The following NYAP1 variants were observed in gnomAD, a reference collection of about 807,000 sequenced individuals.
NYAP1 encodes the protein neuronal tyrosine phosphorylated phosphoinositide-3-kinase adaptor 1, also known as neuronal tyrosine-phosphorylated phosphoinositide-3-kinase adapter 1.
NYAP1 carries 20 observed loss-of-function variants against 58.6 expected under a neutral mutation model. The ratio of observed to expected loss-of-function variants is 0.34; its 90% CI spans 0.24 to 0.50. The LOEUF is 0.50. Among genes scored for constraint, NYAP1 ranks in the 20% least tolerant of loss-of-function variants. NYAP1 has a pLI of 0.98. For missense variants in NYAP1, 1,150 were observed against 1,194.5 expected (o/e 0.96, Z 0.55); for synonymous variants, 572 against 523.1 (o/e 1.09, Z -1.27).
chr7:100,489,823 T>C (rs1206795643), intron 4 of NYAP1, among the ~76,000 whole-genome samples, 157 bp downstream of exon 4: 1 of 151,650 alleles, frequency 6.6e-6, no homozygotes, highest in Non-Finnish European at 1.5e-5. Context: ...GGGTGGGCGA[T>C]AGACAGAAAG....
In NYAP1 at chr7:100,486,880, G is replaced by T. The variant is rs748550079; in HGVS notation, c.128G>T (p.Gly43Val). 89 of 1,558,644 alleles carry T rather than the reference G, an allele frequency of 5.7e-5. No homozygotes were observed. Among genetic ancestry groups the T allele is most frequent in the Non-Finnish European group, 7.3e-5 (84 of 1,156,062 alleles). ...GGGCCCGCGGCCGGCCAGGGGCCTG[G>T]GGTCCGCGTGCGGGACATCGCCTCG... is the stretch of plus-strand genomic sequence containing the variant. ...SAGPAAGQGPGVRVRDIASLR... is the reference protein window; with the variant it reads ...SAGPAAGQGPVVRVRDIASLR... The change falls in exon 3 of 7, where the codon GGG becomes GTG. Residue 43 changes from glycine to valine, a missense_variant. Physicochemically the swap from Gly to Val is moderately radical, Grantham distance 109 (BLOSUM62 -3). Coordinates refer to ENST00000300179, the MANE Select transcript of NYAP1 (RefSeq NM_173564.4). This position sits in a 1 kb window ranked among gnomAD's most constrained non-coding sequence, Gnocchi z 6.2.
chr7:100,492,503 G>A (rs1335541773), intron 6 of NYAP1, among the ~76,000 whole-genome samples: 2 of 152,008 alleles, frequency 1.3e-5, no homozygotes, highest in East Asian at 1.9e-4. Context: ...AGGCAGAGAC[G>A]GGAGGATCGC....
At chr7:100,491,690 T>C (rs1213993025) in intron 6 of NYAP1, among the ~76,000 whole-genome samples, 3 of 151,780 alleles carry the variant, frequency 2.0e-5, no homozygotes, top group Non-Finnish European at 4.4e-5. Context: ...GGCGGGCAGA[T>C]CACTTGAGGT....
At position 100,488,859 on chromosome 7, in the gene NYAP1, C is replaced by G; in HGVS notation, c.1138C>G (p.Arg380Gly). The G allele has an allele frequency of 6.3e-7, 1 of 1,598,744 alleles. No homozygotes were observed. The highest frequency in any genetic ancestry group is 8.5e-7 in the Non-Finnish European group (1 of 1,174,438). ...TPAPQVPARE[R>G]ETPPPPPPPP... The stretch of plus-strand genomic sequence containing the variant: ...AGCTCCCCAAGTGCCTGCACGGGAG[C>G]GGGAGACGCCTCCCCCACCGCCTCC... The change falls in exon 4 of 7, where the codon CGG (arginine) becomes GGG (glycine). Residue 380 changes from arginine to glycine, a missense_variant. Transcript: ENST00000300179. This position sits in a 1 kb window ranked among gnomAD's most constrained non-coding sequence, Gnocchi z 5.9.
In NYAP1 at chr7:100,489,464, C is replaced by T; in HGVS notation, c.1743C>T (p.Ala581=). 6.2e-7 allele frequency: 1 copy of T among 1,612,950 alleles called. No individual in the cohort carries two copies. The highest frequency in any genetic ancestry group is 1.3e-5 in the African/African-American group (1 of 74,968). The change falls in exon 4 of 7, where the codon GCC becomes GCT. Residue 581 remains alanine (A), a synonymous_variant. Transcript: ENST00000300179. ...GVLNKGCGVG[A]PSPMVKIQLQ... is the part of the protein sequence containing the mutation. ...TGAATAAGGGCTGTGGTGTGGGGGC[C>T]CCATCCCCCATGGTCAAGATCCAGC... is the stretch of plus-strand genomic sequence containing the variant.
chr7:100,490,418 T>C lies in NYAP1; in HGVS notation c.1946-99T>C, dbSNP rs2131068868. The C allele has an allele frequency of 4.3e-6, 5 of 1,156,492 alleles. No homozygotes were observed. Among genetic ancestry groups the C allele is most frequent in the South Asian group, 4.0e-5 (3 of 74,998 alleles). 71.6% of individuals were successfully genotyped at this position (1,156,492 alleles called of 1,614,324 possible). A position where few individuals can be genotyped will look rare whatever the true frequency, so the allele number is the denominator to read the frequency against. On this transcript the variant is annotated intron_variant, in intron 4 of 6. Coordinates refer to ENST00000300179, the MANE Select transcript of NYAP1 (RefSeq NM_173564.4). This position sits in a 1 kb window ranked among gnomAD's most constrained non-coding sequence, Gnocchi z 4.6. The stretch of plus-strand genomic sequence containing the variant: ...AGCCGTTACTTGCAAAAGGGGCAAT[T>C]GTGTCTCCTGGTCCACCCATACTGC...
Position 100,486,977 on chromosome 7 carries a change from C to G in NYAP1, c.225C>G (p.Arg75=), listed in dbSNP as rs1799712826. The part of the protein sequence containing the change: ...ASQEHTPHPC[R]SAMAPRSLSC... The stretch of plus-strand genomic sequence containing the variant: ...AGGAGCACACCCCGCACCCCTGCCG[C>G]AGCGCCATGGCCCCACGCTCCCTCT... The change falls in exon 3 of 7, where the codon CGC becomes CGG. Residue 75 remains arginine, a synonymous_variant. Transcript: ENST00000300179. The surrounding 1 kb of genome is among the most constrained non-coding windows in gnomAD (Gnocchi z 6.2). The G allele has an allele frequency of 2.5e-6, 4 of 1,608,104 alleles. No individual in the cohort carries two copies. The highest frequency in any genetic ancestry group is 3.4e-6 in the Non-Finnish European group (4 of 1,177,860).
rs1717422184 is a variant in NYAP1, at chr7:100,490,344, G to A, written c.1946-173G>A. On this transcript the variant is annotated intron_variant, in intron 4 of 6. Transcript: ENST00000300179. The surrounding 1 kb of genome is among the most constrained non-coding windows in gnomAD (Gnocchi z 4.6). ...TACCAATGGGTGGAAAGGAAGGGGT[G>A]TGTGTGTGTTTGTATGTATGTTGGG... Among the ~76,000 whole-genome samples the A allele has an allele frequency of 6.6e-6, 1 of 152,108 alleles. No individual in the cohort carries two copies.
rs764904491 is a variant in NYAP1, at chr7:100,490,052, C to T, written c.1945+386C>T. Among the ~76,000 whole-genome samples, 11 of 151,970 alleles carry T rather than the reference C, an allele frequency of 7.2e-5. No homozygotes were observed. The highest frequency in any genetic ancestry group is 6.5e-4 in the Admixed American group (10 of 15,268). On this transcript the variant is annotated intron_variant, in intron 4 of 6. Transcript: ENST00000300179. The surrounding 1 kb of genome is among the most constrained non-coding windows in gnomAD (Gnocchi z 4.6). ...AGGGAGAGGAGAGGGAGGCCCCTAC[C>T]GTTGCCTGGCAACGCAATGCTCTGC...
rs1437104866 is a variant in NYAP1, at chr7:100,490,724, A to G, written c.2153A>G (p.Asn718Ser). 2.6e-6 allele frequency: 4 copies of G among 1,510,052 alleles called. No individual in the cohort carries two copies. Among genetic ancestry groups the G allele is most frequent in the African/African-American group, 1.4e-5 (1 of 72,828 alleles). The allele number at this position is 1,510,052 out of a possible 1,614,324, so 93.5% of individuals were successfully genotyped here. A position where few individuals can be genotyped will look rare whatever the true frequency, so the allele number is the denominator to read the frequency against. ...CAGACCTTCCCCGCCTGCCACCGCA[A>G]TGGAGGTGACGCGGCCTGCACACAC... ...PCQTFPACHRNGDFTGGYRLG... is the reference protein window; with the variant it reads ...PCQTFPACHRSGDFTGGYRLG... The change falls in exon 5 of 7, where the codon AAT becomes AGT. Residue 718 changes from asparagine to serine, a missense_variant. By Grantham distance (46) the Asn-to-Ser change is conservative. Transcript: ENST00000300179. This position sits in a 1 kb window ranked among gnomAD's most constrained non-coding sequence, Gnocchi z 4.6.
In NYAP1 at chr7:100,489,188, G is replaced by A. The variant is rs1229941313; in HGVS notation, c.1467G>A (p.Glu489=). ...TGGGTGCTGGGGAGCCAAAGACGGA[G>A]AAGGAGATCTCGGTCCTCCATGGGA... is the stretch of plus-strand genomic sequence containing the variant. The part of the protein sequence containing the change: ...PPLGAGEPKT[E]KEISVLHGML... The change falls in exon 4 of 7, where the codon GAG becomes GAA. Residue 489 remains glutamate (E), a synonymous_variant. Transcript: ENST00000300179. 1.2e-6 allele frequency: 2 copies of A among 1,611,138 alleles called. No homozygotes were observed. The highest frequency in any genetic ancestry group is 8.5e-7 in the Non-Finnish European group (1 of 1,179,278).
chr7:100,488,971 A>T lies in NYAP1; in HGVS notation c.1250A>T (p.Gln417Leu). The T allele has an allele frequency of 6.4e-7, 1 of 1,574,058 alleles. No homozygotes were observed. The change falls in exon 4 of 7, where the codon CAG (glutamine) becomes CTG (leucine). Residue 417 changes from glutamine (Q) to leucine (L), a missense_variant. Physicochemically the swap from Gln to Leu is moderately radical, Grantham distance 113 (BLOSUM62 -2). Coordinates refer to ENST00000300179, the MANE Select transcript of NYAP1 (RefSeq NM_173564.4). The surrounding 1 kb of genome is among the most constrained non-coding windows in gnomAD (Gnocchi z 5.9). ...STPLPPQGSG[Q>L]PRGERELPNS... is the part of the protein sequence containing the mutation. ...CCGTTGCCACCCCAGGGCTCTGGCC[A>T]GCCCCGGGGGGAGCGGGAGCTCCCC...
At chr7:100,493,340 G>A (rs1044059701) in intron 6 of NYAP1, among the ~76,000 whole-genome samples, 1 of 152,114 alleles carries the variant, frequency 6.6e-6, no homozygotes, top group East Asian at 1.9e-4. Flanking sequence ...TGGCCTGGGC[G>A]ACAGAGCCAG....
rs1799779050 is a variant in NYAP1, at chr7:100,490,349, T to C, written c.1946-168T>C. ...ATGGGTGGAAAGGAAGGGGTGTGTG[T>C]GTGTTTGTATGTATGTTGGGGGAGT... On this transcript the variant is annotated intron_variant, in intron 4 of 6. Coordinates refer to ENST00000300179, the MANE Select transcript of NYAP1 (RefSeq NM_173564.4). The surrounding 1 kb of genome is among the most constrained non-coding windows in gnomAD (Gnocchi z 4.6). 6.6e-6 allele frequency among the ~76,000 whole-genome samples: 1 copy of C among 152,040 alleles called. No individual in the cohort carries two copies. Among genetic ancestry groups the C allele is most frequent in the Non-Finnish European group, 1.5e-5 (1 of 68,000 alleles).
In NYAP1 at chr7:100,493,571, A is replaced by G. The variant is rs969851777; in HGVS notation, c.2269-75A>G. 5.6e-6 allele frequency: 7 copies of G among 1,247,790 alleles called. No individual in the cohort carries two copies. In the East Asian group the frequency reaches 1.9e-4, roughly 34 times the overall value. The allele number at this position is 1,247,790 out of a possible 1,614,324, so 77.3% of individuals were successfully genotyped here. A position where few individuals can be genotyped will look rare whatever the true frequency, so the allele number is the denominator to read the frequency against. On this transcript the variant is annotated intron_variant, in intron 6 of 6. Transcript: ENST00000300179. The stretch of plus-strand genomic sequence containing the variant: ...TCTGAGGGGAGACGTGGGTCTCGGC[A>G]GTGCGGACCCGTCCGGTCATGCTGA...
rs2131069376 is a variant in NYAP1 at position 100,490,938 on chromosome 7, G to A, written c.2159-48G>A. The A allele has an allele frequency of 1.6e-6, 2 of 1,268,524 alleles. No homozygotes were observed. The highest frequency in any genetic ancestry group is 5.1e-5 in the East Asian group (2 of 39,270). The allele number at this position is 1,268,524 out of a possible 1,614,324, so 78.6% of individuals were successfully genotyped here. A position where few individuals can be genotyped will look rare whatever the true frequency, so the allele number is the denominator to read the frequency against. On this transcript the variant is annotated intron_variant, in intron 5 of 6. Transcript: ENST00000300179. This position sits in a 1 kb window ranked among gnomAD's most constrained non-coding sequence, Gnocchi z 4.6. ...GGCAGGGGACTGGGAACTAGGGGAG[G>A]GGTACCTGAGGCCCCTGCACTCCTC...
At chr7:100,493,560 T>G in intron 6 of NYAP1, 86 bp from the exon 7 acceptor site, 1 of 1,118,024 alleles carries the variant, frequency 8.9e-7, no homozygotes, top group Non-Finnish European at 1.2e-6. Context: ...AGGGGAGACG[T>G]GGGTCTCGGC....
Position 100,488,758 on chromosome 7 carries a change from C to A in NYAP1, c.1037C>A (p.Ala346Asp). The A allele has an allele frequency of 6.2e-7, 1 of 1,600,348 alleles. No individual in the cohort carries two copies. The highest frequency in any genetic ancestry group is 8.5e-7 in the Non-Finnish European group (1 of 1,173,312). ...CTGGCCTTCCCCCAAGCCAAGTCTG[C>A]TTCCCGAACCCCTGGCGATGGGGTC... ...PLLAFPQAKSASRTPGDGVSR... is the reference protein window; with the variant it reads ...PLLAFPQAKSDSRTPGDGVSR... Residue 346 changes from alanine to aspartate, a missense_variant, in exon 4 of 7, where the codon GCT becomes GAT. Ala to Asp is a moderately radical substitution (Grantham distance 126). Transcript: ENST00000300179. The surrounding 1 kb of genome is among the most constrained non-coding windows in gnomAD (Gnocchi z 5.9).
At position 100,489,162 on chromosome 7, in the gene NYAP1, CT is replaced by C; in HGVS notation, c.1442del (p.Leu481ArgfsTer62). The C allele has an allele frequency of 6.2e-7, 1 of 1,610,476 alleles. No homozygotes were observed. The highest frequency in any genetic ancestry group is 8.5e-7 in the Non-Finnish European group (1 of 1,178,930). On this transcript the variant is annotated frameshift_variant, in exon 4 of 7. Transcript: ENST00000300179. LOFTEE classifies it high-confidence loss of function. ...THSVLPAGPP[L>X]GAGEPKTEKE... is the part of the protein sequence containing the mutation. ...CTCTGTCCTGCCAGCTGGTCCACCC[CT>C]GGGTGCTGGGGAGCCAAAGACGGAG...
Sources: allele counts gnomAD v4.1 joint callset (sites outside exome capture counted in the v4.1 genomes callset), GRCh38; gene constraint gnomAD v4.1.1; non-coding constraint Gnocchi (gnomAD v3.1); transcripts MANE v1.5; gene names NCBI Gene and HGNC (gene_info 2026-07-23, HGNC 2026-07-21).